The following RARB variants were observed in gnomAD, a reference collection of about 807,000 sequenced individuals.
The protein encoded by RARB is HBV-activated protein.
Under a neutral mutation model 51.9 loss-of-function variants are expected in RARB, and 17 were observed. The observed-to-expected ratio is 0.33, with a 90% CI of 0.22 to 0.49. The LOEUF (loss-of-function observed/expected upper bound fraction) is 0.49, where lower values mean the gene tolerates loss of function less well. Among genes scored for constraint, RARB ranks in the 20% least tolerant of loss-of-function variants. RARB has a pLI of 0.99. For missense variants in RARB, 369 were observed against 550.8 expected, an observed-to-expected ratio of 0.67 and a Z score of 3.30; for synonymous variants, 215 against 195.4, an observed-to-expected ratio of 1.10 and a Z score of -0.84.
chr3:24,869,385 ACAAAT>A (rs1478516017), intron 2 of RARB, among the ~76,000 whole-genome samples: 8 of 152,162 alleles, frequency 5.3e-5, no homozygotes, highest in South Asian at 2.1e-4. Context: ...TAAAATTAAG[ACAAAT>A]CAAATTATGC....
chr3:25,594,893 G>A (rs1701759304), intron 7 of RARB, among the ~76,000 whole-genome samples: 1 of 149,596 alleles, frequency 6.7e-6, no homozygotes, highest in African/African-American at 2.5e-5. Flanking sequence ...CTTAACGATT[G>A]AGAGCTTTAA....
chr3:25,300,019 T>C (rs1441010179), intron 5 of RARB, among the ~76,000 whole-genome samples: 1 of 152,228 alleles, frequency 6.6e-6, no homozygotes, highest in East Asian at 1.9e-4. Flanking sequence ...TTTGATTCGA[T>C]TTCAACACTA....
chr3:25,040,086 G>A (rs1232232939), intron 2 of RARB, among the ~76,000 whole-genome samples: 1 of 152,120 alleles, frequency 6.6e-6, no homozygotes, highest in Non-Finnish European at 1.5e-5. Flanking sequence ...TGGTAATGTG[G>A]GTTGCATGTA....
At chr3:25,360,068 A>T (rs1705879744) in intron 5 of RARB, among the ~76,000 whole-genome samples, 1 of 152,212 alleles carries the variant, frequency 6.6e-6, no homozygotes. Context: ...TAATATAGAC[A>T]GTGGGGTGTT....
intron 2 of RARB, among the ~76,000 whole-genome samples, chr3:24,906,641 G>A (rs374377459): frequency 2.0e-5 from 3 of 151,926 alleles, no homozygotes; most frequent in African/African-American, 7.2e-5. Flanking sequence ...TCAGGAGCTC[G>A]AGACCAGCCT....
chr3:25,083,353 A>C (rs553060124), intron 3 of RARB, among the ~76,000 whole-genome samples: 1 of 152,176 alleles, frequency 6.6e-6, no homozygotes, highest in East Asian at 1.9e-4. Flanking sequence ...CATTTTTAGC[A>C]TCGTGCTTGA....
intron 5 of RARB, among the ~76,000 whole-genome samples, chr3:25,186,432 AT>A (rs764557946): frequency 3.9e-4 from 59 of 152,192 alleles, no homozygotes; most frequent in Non-Finnish European, 8.1e-4. Context: ...CAACCAAACA[AT>A]TTTACCTCTA....
At chr3:25,561,302 A>G (rs952671738) in intron 3 of RARB, among the ~76,000 whole-genome samples, 2 of 152,202 alleles carry the variant, frequency 1.3e-5, no homozygotes, top group African/African-American at 4.8e-5. Context: ...GGAACCATGT[A>G]TTCAAATATC....
intron 2 of RARB, among the ~76,000 whole-genome samples, chr3:24,908,381 C>T (rs1694912549): frequency 2.0e-5 from 3 of 152,246 alleles, no homozygotes; most frequent in South Asian, 4.1e-4. Flanking sequence ...GAAGAGATTA[C>T]AGTCACCATA....
intron 5 of RARB, among the ~76,000 whole-genome samples, chr3:25,320,041 T>C (rs1364065614): frequency 6.6e-6 from 1 of 151,622 alleles, no homozygotes; most frequent in Non-Finnish European, 1.5e-5. Flanking sequence ...TTTTTTTTTT[T>C]TGCTAATGGA....
intron 2 of RARB, among the ~76,000 whole-genome samples, chr3:24,862,590 A>G (rs757048685): frequency 6.6e-6 from 1 of 152,188 alleles, no homozygotes; most frequent in Non-Finnish European, 1.5e-5. Context: ...TGTCTAGCGT[A>G]TCCATGCTGT....
chr3:25,317,776 TAA>T (rs1260815153), intron 5 of RARB, among the ~76,000 whole-genome samples: 2 of 152,220 alleles, frequency 1.3e-5, no homozygotes, highest in Non-Finnish European at 2.9e-5. Context: ...CAACTATTAG[TAA>T]AAGAATGTCT....
At chr3:25,053,603 C>T (rs866122498) in intron 2 of RARB, among the ~76,000 whole-genome samples, 1 of 152,148 alleles carries the variant, frequency 6.6e-6, no homozygotes, top group Admixed American at 6.6e-5. Context: ...AAAACAGTTA[C>T]AACACTTTTG....
intron 1 of RARB, among the ~76,000 whole-genome samples, chr3:25,452,283 C>T (rs1221149255): frequency 1.3e-5 from 2 of 152,212 alleles, no homozygotes; most frequent in Non-Finnish European, 2.9e-5. Context: ...GTGGTGAGAA[C>T]ACATATTATC....
At chr3:25,567,037 A>G (rs1305457874) in intron 3 of RARB, among the ~76,000 whole-genome samples, 1 of 152,148 alleles carries the variant, frequency 6.6e-6, no homozygotes, top group African/African-American at 2.4e-5. Flanking sequence ...GCTGTGTTTT[A>G]ATGTAGCTGT....
chr3:24,854,449 T>C lies in RARB; in HGVS notation c.-458-4225T>C, dbSNP rs1242190612. Reference sequence around the variant, plus strand: ...AAAGGAGTAAAGAGACCATGATTCCTGCTTTGTGGAGCTTTCCTTCTGCAA... The same window carrying C: ...AAAGGAGTAAAGAGACCATGATTCCCGCTTTGTGGAGCTTTCCTTCTGCAA... On this transcript the variant is annotated intron_variant, in intron 1 of 11. Transcript: ENST00000383772. 2.0e-5 allele frequency among the ~76,000 whole-genome samples: 3 copies of C among 152,214 alleles called. No individual in the cohort carries two copies. In the South Asian group the frequency reaches 6.2e-4, roughly 31 times the overall value.
chr3:25,281,143 C>T (rs1703511988), intron 5 of RARB, among the ~76,000 whole-genome samples: 1 of 152,104 alleles, frequency 6.6e-6, no homozygotes, highest in Non-Finnish European at 1.5e-5. Flanking sequence ...GACTGGAATC[C>T]TGGGCAGTAT....
At chr3:25,175,107 T>C (rs1290734490) in intron 5 of RARB, among the ~76,000 whole-genome samples, 1 of 152,236 alleles carries the variant, frequency 6.6e-6, no homozygotes, top group African/African-American at 2.4e-5. Context: ...GTTTCTGTAC[T>C]AGCTATTTCT....
At chr3:25,135,147 A>G (rs1427421290) in intron 4 of RARB, among the ~76,000 whole-genome samples, 1 of 151,596 alleles carries the variant, frequency 6.6e-6, no homozygotes, top group Non-Finnish European at 1.5e-5. Flanking sequence ...CTGGGGTGGT[A>G]GAAATTGTTT....
Sources: gnomAD v4.1 joint callset for allele counts (sites outside exome capture counted in the v4.1 genomes callset) on GRCh38, gnomAD v4.1.1 for gene constraint, MANE v1.5 for transcripts, NCBI Gene and HGNC (gene_info 2026-07-23, HGNC 2026-07-21) for gene names.